Variants in PCDHA6 observed in about 807,000 individuals in gnomAD.
PCDHA6 encodes protocadherin alpha-6.
A neutral mutation model predicts 60.3 loss-of-function variants in PCDHA6; 55 were observed. The observed-to-expected ratio is 0.91, with a 90% CI of 0.73 to 1.14. The LOEUF (loss-of-function observed/expected upper bound fraction) is 1.14. Ranked by LOEUF, PCDHA6 falls within the 50% of genes most tolerant of loss-of-function variation. The pLI is 0.00. For synonymous variants in PCDHA6, 652 were observed against 557.9 expected (o/e 1.17, Z -2.38); for missense variants, 1,327 against 1,256.5 (o/e 1.06, Z -0.85).
intron 1 of PCDHA6, among the ~76,000 whole-genome samples, chr5:140,895,392 C>T (rs983338513): frequency 6.6e-5 from 10 of 152,148 alleles, no homozygotes; most frequent in African/African-American, 2.4e-4. Context: ...CAATTCTCAA[C>T]ACCATCAAAA....
intron 1 of PCDHA6, chr5:140,861,480 T>C (rs2046942458): frequency 4.1e-6 from 2 of 490,608 alleles, no homozygotes; most frequent in African/African-American, 2.0e-5. Flanking sequence ...GAATGGCATT[T>C]TTGTGAGTTC....
In PCDHA6 at chr5:140,842,019, T is replaced by C. The variant is rs1554138721; in HGVS notation, c.2394+11534T>C. The C allele has an allele frequency of 1.9e-6, 3 of 1,613,812 alleles. No homozygotes were observed. The highest frequency in any genetic ancestry group is 1.6e-4 in the Middle Eastern group (1 of 6,062). ...ACTGTTCAGCTGCTGGTCACAGTGC[T>C]GGATGTGAATGATAATGCTCCCACT... On this transcript the variant is annotated intron_variant, in intron 1 of 3. Transcript: ENST00000529310.
intron 1 of PCDHA6, among the ~76,000 whole-genome samples, chr5:140,963,173 G>C (rs2095742129): frequency 6.6e-6 from 1 of 151,942 alleles, no homozygotes; most frequent in Non-Finnish European, 1.5e-5. Flanking sequence ...CCATCTTACA[G>C]ATATGCTGTA....
At chr5:140,938,930 A>T (rs2092272913) in intron 1 of PCDHA6, among the ~76,000 whole-genome samples, 1 of 152,066 alleles carries the variant, frequency 6.6e-6, no homozygotes, top group African/African-American at 2.4e-5. Flanking sequence ...ATTGGCTTTT[A>T]ACTTTCCATT....
chr5:141,001,706 C>T (rs2098033561), intron 3 of PCDHA6, among the ~76,000 whole-genome samples: 1 of 151,850 alleles, frequency 6.6e-6, no homozygotes, highest in African/African-American at 2.4e-5. Flanking sequence ...AAATAGGGGG[C>T]GGGGAAGGAG....
At chr5:140,995,738 T>G (rs1441000111) in intron 3 of PCDHA6, among the ~76,000 whole-genome samples, 1 of 152,150 alleles carries the variant, frequency 6.6e-6, no homozygotes, top group Non-Finnish European at 1.5e-5. Context: ...CTGGTGGATT[T>G]GGTATATCAT....
Position 140,828,538 on chromosome 5 carries a change from T to C in PCDHA6, c.447T>C (p.Asp149=), listed in dbSNP as rs2150156522. The change falls in exon 1 of 4, where the codon GAT becomes GAC. Residue 149 remains aspartate (D), a synonymous_variant. Transcript: ENST00000529310. ...RVLIYESRLP[D]SVFPLEGASD... The stretch of plus-strand genomic sequence containing the variant: ...TGATTTACGAATCTAGGCTGCCAGA[T>C]TCTGTGTTTCCACTGGAGGGCGCGT... 19 of 1,614,100 alleles carry C rather than the reference T, an allele frequency of 1.2e-5. No homozygotes were observed. The highest frequency in any genetic ancestry group is 6.7e-5 in the African/African-American group (5 of 74,928).
Position 140,829,824 on chromosome 5 carries a change from G to A in PCDHA6, c.1733G>A (p.Ser578Asn). The change falls in exon 1 of 4, where the codon AGC becomes AAC. Residue 578 changes from serine to asparagine, a missense_variant. Ser to Asn is a conservative substitution (Grantham distance 46). Coordinates refer to ENST00000529310, the MANE Select transcript of PCDHA6 (RefSeq NM_018909.4). ...PRVGGTGGAVSELVPRSLGAG... is the reference protein window; with the variant it reads ...PRVGGTGGAVNELVPRSLGAG... The stretch of plus-strand genomic sequence containing the variant: ...GTGGGTGGTACTGGTGGTGCAGTGA[G>A]CGAGCTGGTGCCGCGGTCACTGGGT... 6.2e-7 allele frequency: 1 copy of A among 1,613,914 alleles called. No individual in the cohort carries two copies. Among genetic ancestry groups the A allele is most frequent in the East Asian group, 2.2e-5 (1 of 44,876 alleles).
At chr5:140,996,495 G>A (rs2097728470) in intron 3 of PCDHA6, among the ~76,000 whole-genome samples, 2 of 152,156 alleles carry the variant, frequency 1.3e-5, no homozygotes, top group South Asian at 4.1e-4. Context: ...GGCAAGTCTG[G>A]CTTCTTGGGG....
chr5:140,906,985 G>A (rs1418384427), intron 1 of PCDHA6, among the ~76,000 whole-genome samples: 1 of 152,170 alleles, frequency 6.6e-6, no homozygotes, highest in East Asian at 1.9e-4. Context: ...TCTGGTGGCA[G>A]CATTCCTCCC....
chr5:140,828,799 T>A lies in PCDHA6; in HGVS notation c.708T>A (p.Asn236Lys). 1 of 1,614,228 alleles carries A rather than the reference T, an allele frequency of 6.2e-7. No individual in the cohort carries two copies. The highest frequency in any genetic ancestry group is 8.5e-7 in the Non-Finnish European group (1 of 1,180,032). The change falls in exon 1 of 4, where the codon AAT becomes AAA. Residue 236 changes from asparagine (N) to lysine (K), a missense_variant. Asn to Lys is a moderately conservative substitution (Grantham distance 94). Coordinates refer to ENST00000529310, the MANE Select transcript of PCDHA6 (RefSeq NM_018909.4). ...VQLLVTVLDV[N>K]DNAPTFEQSE... The stretch of plus-strand genomic sequence containing the variant: ...TGCTGGTCACAGTGCTGGATGTGAA[T>A]GATAATGCTCCCACTTTCGAACAGT...
At chr5:140,915,826 T>G (rs1432367192) in intron 1 of PCDHA6, among the ~76,000 whole-genome samples, 1 of 152,134 alleles carries the variant, frequency 6.6e-6, no homozygotes, top group Non-Finnish European at 1.5e-5. Context: ...GCCCTAGGGC[T>G]CTAAGATCAG....
chr5:140,857,995 G>A, intron 1 of PCDHA6: 1 of 1,597,106 alleles, frequency 6.3e-7, no homozygotes, highest in East Asian at 2.2e-5. Context: ...TACTGGTGCT[G>A]GTGAAGGACC....
rs560404461 is a variant in PCDHA6, at chr5:140,857,491, G to T, written c.2394+27006G>T. The T allele has an allele frequency of 3.1e-5, 49 of 1,598,340 alleles. 2 individuals are homozygous for T. The highest frequency in any genetic ancestry group is 2.8e-4 in the South Asian group (25 of 90,546). On this transcript the variant is annotated intron_variant, in intron 1 of 3. Transcript: ENST00000529310. Reference sequence around the variant, plus strand: ...TCTTCACGGTGTCTGCGTGGGACGCGGACGCGCAGGAGAACGCCCTGGTGT... The same window carrying T: ...TCTTCACGGTGTCTGCGTGGGACGCTGACGCGCAGGAGAACGCCCTGGTGT...
rs2150389319 is a variant in PCDHA6, at chr5:140,846,377, T to C, written c.2394+15892T>C. On this transcript the variant is annotated intron_variant, in intron 1 of 3. Transcript: ENST00000529310. The stretch of plus-strand genomic sequence containing the variant: ...TTTCTTTTCTTTTCTTTCTTTCTTT[T>C]TTTTTTTTTTTTTTTGAGACGGAGT... Among the ~76,000 whole-genome samples the C allele has an allele frequency of 1.3e-3, 177 of 134,738 alleles. 13 individuals carry two copies. The highest frequency in any genetic ancestry group is 3.8e-3 in the African/African-American group (141 of 37,120). The allele number at this position is 134,738 out of a possible 152,430, so 88.4% of individuals were successfully genotyped here.
chr5:140,850,893 G>A, intron 1 of PCDHA6: 1 of 1,574,570 alleles, frequency 6.4e-7, no homozygotes, highest in Non-Finnish European at 8.7e-7. Flanking sequence ...TGGGAAGGTG[G>A]GTTTTTCTAG....
At chr5:140,870,634 G>A (rs782716769) in intron 1 of PCDHA6, 49 of 1,612,744 alleles carry the variant, frequency 3.0e-5, no homozygotes, top group Non-Finnish European at 3.9e-5. Context: ...GTCGGTGCAC[G>A]CGGAGAGCGG....
At chr5:140,842,993 G>C in intron 1 of PCDHA6, 1 of 1,595,048 alleles carries the variant, frequency 6.3e-7, no homozygotes, top group Non-Finnish European at 8.6e-7. Flanking sequence ...CGTGCTGGAC[G>C]AGAATGACAA....
At position 140,896,858 on chromosome 5, in the gene PCDHA6, A is replaced by T. The variant is rs1448787828; in HGVS notation, c.2394+66373A>T. On this transcript the variant is annotated intron_variant, in intron 1 of 3. Coordinates refer to ENST00000529310, the MANE Select transcript of PCDHA6 (RefSeq NM_018909.4). Reference sequence around the variant, plus strand: ...TATTTTTTAATTTTATGGGTACATAATAAGTGTACATATTTATGGGGTATA... The same window carrying T: ...TATTTTTTAATTTTATGGGTACATATTAAGTGTACATATTTATGGGGTATA... Among the ~76,000 whole-genome samples, 3 of 152,310 alleles carry T rather than the reference A, an allele frequency of 2.0e-5. No homozygotes were observed. In the South Asian group the frequency reaches 6.2e-4, roughly 32 times the overall value.
Sources: gnomAD v4.1 joint callset for allele counts (sites outside exome capture counted in the v4.1 genomes callset) on GRCh38, gnomAD v4.1.1 for gene constraint, MANE v1.5 for transcripts, NCBI Gene and HGNC (gene_info 2026-07-23, HGNC 2026-07-21) for gene names.